Variants in RHEX observed in about 807,000 individuals in gnomAD.
RHEX encodes the protein regulator of hemoglobinization and erythroid cell expansion, also known as regulator of hemoglobinization and erythroid cell expansion protein.
Under a neutral mutation model 20.1 loss-of-function variants are expected in RHEX, and 18 were observed. The ratio of observed to expected loss-of-function variants is 0.90; its 90% confidence interval spans 0.62 to 1.33. RHEX has a LOEUF of 1.33. Among genes scored for constraint, RHEX ranks in the 40% most tolerant of loss-of-function variants. The probability of loss-of-function intolerance (pLI) is 0.00; values close to 1 mark genes in which losing one functional copy is unlikely to be tolerated. For missense variants in RHEX, 192 were observed against 214.3 expected (o/e 0.90, Z 0.65); for synonymous variants, 87 against 77.1 (o/e 1.13, Z -0.67).
At chr1:206,083,246 G>C (rs529545717) in intron 1 of RHEX, among the ~76,000 whole-genome samples, 1 of 152,366 alleles carries the variant, frequency 6.6e-6, no homozygotes, top group South Asian at 2.1e-4. Context: ...ATTGGTGCCA[G>C]AGCTGGGACT....
chr1:206,056,794 GA>G lies in RHEX; in HGVS notation c.-97+3537del, dbSNP rs34287495. Among the ~76,000 whole-genome samples, 6 of 151,978 alleles carry G rather than the reference GA, an allele frequency of 3.9e-5. No individual in the cohort carries two copies. In the South Asian group the frequency reaches 1.0e-3, roughly 26 times the overall value. On this transcript the variant is annotated intron_variant, in intron 1 of 5. Coordinates refer to ENST00000331555, the MANE Select transcript of RHEX (RefSeq NM_001007544.4). ...GATGAGGATGTGGTTCTCTAAATTG[GA>G]AAAAAAAGTTACACAGTAAAAAAAA...
At position 206,101,887 on chromosome 1, in the gene RHEX, A is replaced by C; in HGVS notation, c.454A>C (p.Ser152Arg). ...TGTCAATCCAGAAAGACACAAGCCCAGTTTCTGGTATTTTGTCAACCCTGC... is the reference window on the plus strand; with the variant it reads ...TGTCAATCCAGAAAGACACAAGCCCCGTTTCTGGTATTTTGTCAACCCTGC... ...VNVNPERHKP[S>R]FWYFVNPALS... Residue 152 changes from serine (S) to arginine (R), a missense_variant, in exon 6 of 6, where the codon AGT becomes CGT. Physicochemically the swap from Ser to Arg is moderately radical, Grantham distance 110. Coordinates refer to ENST00000331555, the MANE Select transcript of RHEX (RefSeq NM_001007544.4). The C allele has an allele frequency of 6.2e-7, 1 of 1,613,974 alleles. No individual in the cohort carries two copies. The highest frequency in any genetic ancestry group is 8.5e-7 in the Non-Finnish European group (1 of 1,179,982).
chr1:206,075,441 C>T (rs1030828035), intron 1 of RHEX, among the ~76,000 whole-genome samples: 2 of 152,090 alleles, frequency 1.3e-5, no homozygotes, highest in Non-Finnish European at 2.9e-5. Flanking sequence ...AAATTGAAGA[C>T]AACTGTGAAT....
intron 1 of RHEX, among the ~76,000 whole-genome samples, chr1:206,075,997 T>G (rs1662629728): frequency 6.6e-6 from 1 of 152,140 alleles, no homozygotes; most frequent in South Asian, 2.1e-4. Flanking sequence ...TTATAGGAAT[T>G]AAGGATGCCA....
chr1:206,061,350 T>C (rs1348954776), intron 1 of RHEX: 1 of 152,162 alleles, frequency 6.6e-6, no homozygotes, highest in African/African-American at 2.4e-5. Flanking sequence ...TCTAGGACTA[T>C]TTAAGAAACA....
chr1:206,083,495 G>A (rs1662777399), intron 1 of RHEX: 1 of 985,400 alleles, frequency 1.0e-6, no homozygotes, highest in Non-Finnish European at 1.2e-6. Context: ...CTGAGTGGCA[G>A]TGCTCCCGCC....
rs543530295 is a variant in RHEX at position 206,088,668 on chromosome 1, C to T, written c.-96-9065C>T. 4.8e-4 allele frequency among the ~76,000 whole-genome samples: 73 copies of T among 152,220 alleles called. 1 individual carries two copies. In the South Asian group the frequency reaches 0.014, roughly 29 times the overall value. On this transcript the variant is annotated intron_variant, in intron 1 of 5. Coordinates refer to ENST00000331555, the MANE Select transcript of RHEX (RefSeq NM_001007544.4). ...ACTGCACTCCAGCCTGGGGACAGAG[C>T]GAGACTCCGTCTCAAAAAACAAACA...
chr1:206,084,884 C>G (rs149996037), intron 1 of RHEX, among the ~76,000 whole-genome samples: 118 of 152,242 alleles, frequency 7.8e-4, no homozygotes, highest in African/African-American at 2.6e-3. Flanking sequence ...AGCACTGGCC[C>G]TGAATCCTGA....
rs782621971 is a variant in RHEX at position 206,097,811 on chromosome 1, A to G, written c.-18A>G. ...CCTGAAAGTGCCTGAGCCCCAACTT[A>G]TCAGCAAGGAGCTCATCATGCTGAC... On this transcript the variant is annotated 5_prime_UTR_variant, in exon 2 of 6. Coordinates refer to ENST00000331555, the MANE Select transcript of RHEX (RefSeq NM_001007544.4). 1.9e-6 allele frequency: 3 copies of G among 1,613,714 alleles called. No individual in the cohort carries two copies. The highest frequency in any genetic ancestry group is 2.2e-5 in the East Asian group (1 of 44,866).
chr1:206,059,321 A>G (rs537459913), intron 1 of RHEX, among the ~76,000 whole-genome samples: 21 of 152,302 alleles, frequency 1.4e-4, no homozygotes, highest in African/African-American at 4.6e-4. Flanking sequence ...GAGACAGGGA[A>G]AAAGGCAGAA....
At chr1:206,063,879 T>C (rs1662357191) in intron 1 of RHEX, among the ~76,000 whole-genome samples, 1 of 148,402 alleles carries the variant, frequency 6.7e-6, no homozygotes, top group Non-Finnish European at 1.5e-5. Context: ...GGAGCCCCTC[T>C]GCCTGGCTGC....
At chr1:206,068,002 G>C (rs1371279723) in intron 1 of RHEX, among the ~76,000 whole-genome samples, 5 of 152,132 alleles carry the variant, frequency 3.3e-5, no homozygotes, top group Non-Finnish European at 7.4e-5. Context: ...GGACTGGAGT[G>C]GGGAGGAGAA....
chr1:206,066,299 A>G (rs1662421366), intron 1 of RHEX, among the ~76,000 whole-genome samples: 1 of 152,242 alleles, frequency 6.6e-6, no homozygotes, highest in African/African-American at 2.4e-5. Context: ...ATTTTAAAAA[A>G]GGAGAACTCT....
At chr1:206,065,121 C>T (rs1233380496) in intron 1 of RHEX, among the ~76,000 whole-genome samples, 3 of 152,050 alleles carry the variant, frequency 2.0e-5, no homozygotes, top group African/African-American at 7.3e-5. Flanking sequence ...TCTCAAGTAC[C>T]CAGGGACACA....
At chr1:206,089,181 C>T (rs1662897563) in intron 1 of RHEX, among the ~76,000 whole-genome samples, 1 of 147,280 alleles carries the variant, frequency 6.8e-6, no homozygotes, top group Non-Finnish European at 1.5e-5. Context: ...ATTAGTTGTA[C>T]TTTTTTTTTT....
At chr1:206,061,231 G>A (rs1662303343) in intron 1 of RHEX, 1 of 152,190 alleles carries the variant, frequency 6.6e-6, no homozygotes, top group Admixed American at 6.5e-5. Context: ...GGCCCAATGG[G>A]CTGAGTGTGG....
chr1:206,075,604 CT>C (rs1195410311), intron 1 of RHEX, among the ~76,000 whole-genome samples: 340 of 143,498 alleles, frequency 2.4e-3, no homozygotes, highest in East Asian at 3.3e-3. Context: ...ATGCCAAAGT[CT>C]TTTTTTTTTT....
Position 206,101,927 on chromosome 1 carries a change from C to T in RHEX, c.494C>T (p.Ala165Val), listed in dbSNP as rs782021865. ...GTCAACCCTGCTCTGTCTGAGCCAG[C>T]GGAATATGATCAAGTGGCCATGTGA... ...YFVNPALSEP[A>V]EYDQVAM The change falls in exon 6 of 6, where the codon GCG becomes GTG. Residue 165 changes from alanine (A) to valine (V), a missense_variant. Ala to Val is a moderately conservative substitution (Grantham distance 64). Coordinates refer to ENST00000331555, the MANE Select transcript of RHEX (RefSeq NM_001007544.4). 25 of 1,613,556 alleles carry T rather than the reference C, an allele frequency of 1.5e-5. No individual in the cohort carries two copies. The highest frequency in any genetic ancestry group is 2.2e-5 in the East Asian group (1 of 44,902).
rs1553288440 is a variant in RHEX, at chr1:206,101,752, G to A, written c.319G>A (p.Ala107Thr). The A allele has an allele frequency of 1.9e-6, 3 of 1,610,934 alleles. No homozygotes were observed. The highest frequency in any genetic ancestry group is 2.2e-5 in the South Asian group (2 of 90,720). Residue 107 changes from alanine (A) to threonine (T), a missense_variant and splice_region_variant, in exon 6 of 6, where the codon GCC becomes ACC. Transcript: ENST00000331555. ...CACATGTCTCTGCTTTTCTCCTAAG[G>A]CCACAGAGGATGTGGATTACACACA... is the stretch of plus-strand genomic sequence containing the variant. ...SSCSSPPACQATEDVDYTQVV... is the reference protein window; with the variant it reads ...SSCSSPPACQTTEDVDYTQVV...
Sources: gnomAD v4.1 joint callset for allele counts (sites outside exome capture counted in the v4.1 genomes callset) on GRCh38, gnomAD v4.1.1 for gene constraint, MANE v1.5 for transcripts, NCBI Gene and HGNC (gene_info 2026-07-23, HGNC 2026-07-21) for gene names.